Variants in FRMD4A observed in about 807,000 individuals in gnomAD.
FRMD4A encodes the protein FERM domain-containing protein 4A.
In FRMD4A, 29 loss-of-function variants were observed where a neutral mutation model predicts 129.1. That is an observed-to-expected ratio of 0.22 (90% CI 0.17 to 0.31). FRMD4A has a LOEUF of 0.31. Ranked by LOEUF, FRMD4A falls within the 10% of genes least tolerant of loss-of-function variation. The probability of loss-of-function intolerance (pLI) is 1.00; values close to 1 mark genes in which losing one functional copy is unlikely to be tolerated. For missense variants in FRMD4A, 1,272 were observed against 1,375.8 expected (o/e 0.92, Z 1.19); for synonymous variants, 634 against 571.6 (o/e 1.11, Z -1.56).
intron 2 of FRMD4A, among the ~76,000 whole-genome samples, chr10:13,960,661 C>T (rs561423862): frequency 1.5e-4 from 23 of 152,194 alleles, no homozygotes; most frequent in Non-Finnish European, 3.1e-4. Context: ...GGCACATGCT[C>T]CTAACGCCAT....
At chr10:14,174,940 C>G (rs1454242294) in intron 2 of FRMD4A, among the ~76,000 whole-genome samples, 1 of 150,312 alleles carries the variant, frequency 6.7e-6, no homozygotes, top group Non-Finnish European at 1.5e-5. Flanking sequence ...TACGGGCACA[C>G]TGTCCAGGAG....
At chr10:14,316,023 G>A (rs972944797) in intron 2 of FRMD4A, among the ~76,000 whole-genome samples, 3 of 152,232 alleles carry the variant, frequency 2.0e-5, no homozygotes, top group Non-Finnish European at 4.4e-5. Context: ...CATAGACACT[G>A]TTGATTGCCT....
At chr10:14,118,014 C>A (rs1838291326) in intron 2 of FRMD4A, among the ~76,000 whole-genome samples, 1 of 152,146 alleles carries the variant, frequency 6.6e-6, no homozygotes, top group Admixed American at 6.5e-5. Flanking sequence ...AAGTGTGGCC[C>A]TGTTTAGAGG....
chr10:14,079,673 C>A (rs896981330), intron 2 of FRMD4A, among the ~76,000 whole-genome samples: 1 of 152,184 alleles, frequency 6.6e-6, no homozygotes, highest in African/African-American at 2.4e-5. Flanking sequence ...CAAACACCCA[C>A]GACACTTAGT....
At chr10:14,112,398 G>A (rs1045411527) in intron 2 of FRMD4A, among the ~76,000 whole-genome samples, 6 of 152,182 alleles carry the variant, frequency 3.9e-5, no homozygotes, top group African/African-American at 9.7e-5. Flanking sequence ...CGGCGGTCTC[G>A]ATGTGGTTGT....
At chr10:13,714,415 T>C (rs1357619588) in intron 12 of FRMD4A, among the ~76,000 whole-genome samples, 5 of 150,936 alleles carry the variant, frequency 3.3e-5, no homozygotes, top group Admixed American at 2.0e-4. Flanking sequence ...TTTTTTTTTC[T>C]ATCAGTTTTT....
intron 2 of FRMD4A, among the ~76,000 whole-genome samples, chr10:13,878,456 A>G (rs1473237884): frequency 6.6e-6 from 1 of 152,184 alleles, no homozygotes; most frequent in African/African-American, 2.4e-5. Context: ...ACCTTCAGAA[A>G]AGACCTGGAA....
chr10:14,194,407 G>T (rs1198164093), intron 2 of FRMD4A, among the ~76,000 whole-genome samples: 2 of 152,152 alleles, frequency 1.3e-5, no homozygotes, highest in Non-Finnish European at 2.9e-5. Flanking sequence ...TCAGGAGATC[G>T]AGACCATCCT....
At chr10:14,230,358 G>A (rs182946791) in intron 2 of FRMD4A, among the ~76,000 whole-genome samples, 19 of 152,326 alleles carry the variant, frequency 1.2e-4, no homozygotes, top group African/African-American at 4.6e-4. Context: ...ACAAATGCGT[G>A]TCCTGTGCAA....
At chr10:14,155,441 C>T (rs560446709) in intron 2 of FRMD4A, among the ~76,000 whole-genome samples, 10 of 152,220 alleles carry the variant, frequency 6.6e-5, no homozygotes, top group East Asian at 1.9e-4. Context: ...CCAGGGAAGC[C>T]GGGCCTCAAA....
chr10:13,707,010 C>T (rs768078151), intron 13 of FRMD4A, 27 bp downstream of exon 13: 7 of 1,259,994 alleles, frequency 5.6e-6, no homozygotes, highest in Middle Eastern at 1.9e-4. Context: ...CACGCCATCC[C>T]GCAAGAAAAG....
chr10:14,226,911 G>A (rs1843457705), intron 2 of FRMD4A, among the ~76,000 whole-genome samples: 1 of 152,128 alleles, frequency 6.6e-6, no homozygotes, highest in Non-Finnish European at 1.5e-5. Context: ...TAGACTGGGA[G>A]GTCTTTCTTT....
At chr10:13,737,732 G>A (rs2090725440) in intron 12 of FRMD4A, 112 bp downstream of exon 12, 1 of 639,746 alleles carries the variant, frequency 1.6e-6, no homozygotes, top group Admixed American at 2.7e-5. Flanking sequence ...AAAATTAGCA[G>A]GAGATTGGTG....
chr10:13,859,664 C>T (rs1383501738), intron 2 of FRMD4A, among the ~76,000 whole-genome samples: 2 of 152,290 alleles, frequency 1.3e-5, no homozygotes, highest in Non-Finnish European at 1.5e-5. Flanking sequence ...ATCCCACTTG[C>T]TGGTAACCAG....
Position 14,330,814 on chromosome 10 carries a change from AGCTC to A in FRMD4A, c.-303_-300del, listed in dbSNP as rs1311886145. On this transcript the variant is annotated 5_prime_UTR_variant, in exon 1 of 25. The change abolishes the stop of an existing upstream ORF in the 5' untranslated region. Coordinates refer to ENST00000357447, the MANE Select transcript of FRMD4A (RefSeq NM_018027.5). Reference sequence around the variant, plus strand: ...CTTTTCCTCTCCAAGTAGACTGGCCAGCTCAGCTCCCGGTAGGGCTAACATACTT... The same window carrying A: ...CTTTTCCTCTCCAAGTAGACTGGCCAAGCTCCCGGTAGGGCTAACATACTT... 1.5e-5 allele frequency: 6 copies of A among 398,642 alleles called. No homozygotes were observed. Among genetic ancestry groups the A allele is most frequent in the Non-Finnish European group, 2.7e-5 (6 of 226,228 alleles). The allele number at this position is 398,642 out of a possible 1,614,324, so 24.7% of individuals were successfully genotyped here. A position where few individuals can be genotyped will look rare whatever the true frequency, so the allele number is the denominator to read the frequency against.
At chr10:14,120,221 C>T (rs1476654977) in intron 2 of FRMD4A, among the ~76,000 whole-genome samples, 1 of 152,068 alleles carries the variant, frequency 6.6e-6, no homozygotes, top group Non-Finnish European at 1.5e-5. Context: ...AGCCGAGTTC[C>T]TCCATCCCTT....
chr10:14,210,336 C>T (rs575113560), intron 2 of FRMD4A, among the ~76,000 whole-genome samples: 1 of 152,280 alleles, frequency 6.6e-6, no homozygotes, highest in East Asian at 1.9e-4. Flanking sequence ...TCTGCTGGCG[C>T]CTTGGTCTTG....
At chr10:14,085,466 T>C (rs1418991116) in intron 2 of FRMD4A, among the ~76,000 whole-genome samples, 2 of 152,222 alleles carry the variant, frequency 1.3e-5, no homozygotes, top group African/African-American at 2.4e-5. Flanking sequence ...TTTGGTACTG[T>C]CACTCCACAG....
At position 14,056,925 on chromosome 10, in the gene FRMD4A, C is replaced by G. The variant is rs139784384; in HGVS notation, c.46-198013G>C. On this transcript the variant is annotated intron_variant, in intron 2 of 24. Transcript: ENST00000357447. ...TTGGAAAAATTCTTGTTCCTGGCAT[C>G]TCCCCAATTAACAAGTGAGTCTTTT... is the stretch of plus-strand genomic sequence containing the variant. Among the ~76,000 whole-genome samples the G allele has an allele frequency of 2.7e-3, 405 of 152,320 alleles. 3 individuals are homozygous for G. The highest frequency in any genetic ancestry group is 9.3e-3 in the African/African-American group (386 of 41,554).
Sources: gnomAD v4.1 joint callset for allele counts (sites outside exome capture counted in the v4.1 genomes callset) on GRCh38, gnomAD v4.1.1 for gene constraint, MANE v1.5 for transcripts, NCBI Gene and HGNC (gene_info 2026-07-23, HGNC 2026-07-21) for gene names.